The following PATJ variants were observed in gnomAD, a reference collection of about 807,000 sequenced individuals.
The protein encoded by PATJ is PATJ crumbs cell polarity complex component.
In PATJ, 190 loss-of-function variants were observed where a neutral mutation model predicts 224.9. The ratio of observed to expected loss-of-function variants is 0.84; its 90% confidence interval spans 0.75 to 0.95. The LOEUF (loss-of-function observed/expected upper bound fraction) is 0.95, where lower values mean the gene tolerates loss of function less well. PATJ is among the 40% of genes least tolerant of loss of function. The pLI, the probability that PATJ is intolerant of heterozygous loss-of-function variation, is 0.00. For synonymous variants in PATJ, 769 were observed against 820.3 expected (o/e 0.94, Z 1.07); for missense variants, 2,121 against 2,270.3 (o/e 0.93, Z 1.34).
chr1:61,991,406 A>C (rs1319134903), intron 28 of PATJ: 1 of 695,376 alleles, frequency 1.4e-6, no homozygotes. Flanking sequence ...GAGCTAAATC[A>C]TGGAGACACT....
At chr1:61,798,920 G>C (rs1280613298) in intron 11 of PATJ, among the ~76,000 whole-genome samples, 1 of 152,004 alleles carries the variant, frequency 6.6e-6, no homozygotes, top group Non-Finnish European at 1.5e-5. Context: ...TGTATAACTA[G>C]GGAGTAAGAA....
intron 28 of PATJ, among the ~76,000 whole-genome samples, chr1:62,011,688 C>T (rs1646459462): frequency 6.8e-6 from 1 of 147,150 alleles, no homozygotes; most frequent in South Asian, 2.2e-4. Context: ...TAGACTTGCT[C>T]AATGCAGGGT....
At chr1:61,972,414 TA>T (rs1683110607) in intron 27 of PATJ, among the ~76,000 whole-genome samples, 1 of 152,040 alleles carries the variant, frequency 6.6e-6, no homozygotes, top group Non-Finnish European at 1.5e-5. Context: ...TTCTTTCTCA[TA>T]ATACTATTTT....
At chr1:61,996,894 C>T (rs533143034) in intron 28 of PATJ, among the ~76,000 whole-genome samples, 5 of 151,848 alleles carry the variant, frequency 3.3e-5, no homozygotes, top group African/African-American at 1.2e-4. Context: ...AGGTGCATAC[C>T]ACCATGCCCG....
intron 31 of PATJ, among the ~76,000 whole-genome samples, chr1:62,052,017 CT>C (rs1653721248): frequency 6.6e-6 from 1 of 152,182 alleles, no homozygotes; most frequent in Non-Finnish European, 1.5e-5. Context: ...TACCCTCTGA[CT>C]CCCATGCCTT....
chr1:62,075,904 C>T (rs1398366472), intron 31 of PATJ, among the ~76,000 whole-genome samples: 40 of 145,840 alleles, frequency 2.7e-4, no homozygotes, highest in Admixed American at 1.3e-3. Flanking sequence ...GGCAACAGAG[C>T]GAGACTCCGT....
chr1:61,921,847 A>T (rs746669658), intron 26 of PATJ, among the ~76,000 whole-genome samples: 15 of 152,306 alleles, frequency 9.8e-5, no homozygotes, highest in Admixed American at 2.0e-4. Flanking sequence ...GATGATGGTT[A>T]TGTTCACTAT....
chr1:61,754,518 A>ATTTTTTT (rs1557582039), intron 1 of PATJ, among the ~76,000 whole-genome samples: 6 of 108,414 alleles, frequency 5.5e-5, no homozygotes, highest in Non-Finnish European at 7.3e-5. Context: ...AATTTTTTGC[A>ATTTTTTT]TGTTTTTTTT....
intron 1 of PATJ, among the ~76,000 whole-genome samples, chr1:61,748,823 G>T (rs1342793028): frequency 2.0e-5 from 3 of 151,666 alleles, no homozygotes; most frequent in East Asian, 3.9e-4. Flanking sequence ...CGCTCAGCTA[G>T]TTTTTGTTTT....
chr1:61,810,097 G>A (rs140801325), intron 14 of PATJ, among the ~76,000 whole-genome samples: 475 of 151,238 alleles, frequency 3.1e-3, no homozygotes, highest in African/African-American at 0.011. Flanking sequence ...TGATCCACCT[G>A]CCTCGGCCTC....
intron 21 of PATJ, among the ~76,000 whole-genome samples, chr1:61,881,985 T>G (rs12402672): frequency 0.26 from 39,142 of 152,084 alleles, 6,032 homozygotes; most frequent in East Asian, 0.71. Context: ...TTTTTAAACT[T>G]AAAAACTCAT....
intron 39 of PATJ, among the ~76,000 whole-genome samples, chr1:62,127,743 G>T (rs1665872243): frequency 6.6e-6 from 1 of 152,088 alleles, no homozygotes; most frequent in Non-Finnish European, 1.5e-5. Flanking sequence ...GGAGGCGGAA[G>T]TTGCAGTGAC....
intron 28 of PATJ, among the ~76,000 whole-genome samples, chr1:62,011,596 TA>T (rs1256114366): frequency 1.3e-5 from 2 of 151,910 alleles, no homozygotes; most frequent in African/African-American, 4.8e-5. Flanking sequence ...AATAATAATG[TA>T]AAAGTTTGAA....
chr1:62,026,212 T>A (rs891050097), intron 29 of PATJ, among the ~76,000 whole-genome samples: 2 of 152,264 alleles, frequency 1.3e-5, no homozygotes, highest in African/African-American at 4.8e-5. Context: ...GAATATCTCC[T>A]GGAATCTTTT....
chr1:61,795,662 G>A (rs1405429283), intron 10 of PATJ, 104 bp downstream of exon 10: 2 of 576,668 alleles, frequency 3.5e-6, no homozygotes, highest in East Asian at 3.2e-5. Flanking sequence ...AGTTTTATAA[G>A]GTTTTTTAAA....
intron 33 of PATJ, among the ~76,000 whole-genome samples, chr1:62,099,969 A>G (rs1661940293): frequency 6.6e-6 from 1 of 152,180 alleles, no homozygotes; most frequent in Non-Finnish European, 1.5e-5. Context: ...GTGATTGATG[A>G]GCTGAAGTGT....
intron 28 of PATJ, among the ~76,000 whole-genome samples, chr1:61,993,990 G>A (rs1645211484): frequency 6.6e-6 from 1 of 151,986 alleles, no homozygotes; most frequent in Non-Finnish European, 1.5e-5. Flanking sequence ...GATGGAATGA[G>A]CAAAAAGATT....
intron 8 of PATJ, among the ~76,000 whole-genome samples, chr1:61,790,120 C>G (rs961600098): frequency 1.4e-5 from 2 of 148,092 alleles, no homozygotes; most frequent in African/African-American, 5.0e-5. Flanking sequence ...GGGAGGATTG[C>G]TTGAGGCCAG....
chr1:62,001,104 A>G (rs1645740509), intron 28 of PATJ, among the ~76,000 whole-genome samples: 1 of 151,408 alleles, frequency 6.6e-6, no homozygotes, highest in African/African-American at 2.4e-5. Flanking sequence ...TTGTCAGATG[A>G]GTAGGTTGCG....
Sources: allele counts gnomAD v4.1 joint callset (sites outside exome capture counted in the v4.1 genomes callset), GRCh38; gene constraint gnomAD v4.1.1; transcripts MANE v1.5; gene names NCBI Gene and HGNC (gene_info 2026-07-23, HGNC 2026-07-21).